Variants in UMAD1 observed in about 807,000 individuals in gnomAD.
UMAD1 encodes the protein UBAP1-MVB12-associated (UMA)-domain containing protein 1.
A neutral mutation model predicts 6.1 loss-of-function variants in UMAD1; 8 were observed. That is an observed-to-expected ratio of 1.30 (90% CI 0.76 to 2.35). UMAD1 has a LOEUF of 2.35. UMAD1 is among the 30% of genes most tolerant of loss of function. The pLI is 0.00. For missense variants in UMAD1, 130 were observed against 78.4 expected (o/e 1.66, Z -2.49); for synonymous variants, 56 against 31.4 (o/e 1.78, Z -2.61).
chr7:7,842,617 TA>T (rs60451147), intron 3 of UMAD1, among the ~76,000 whole-genome samples: 1,806 of 145,746 alleles, frequency 0.012, 35 homozygotes, highest in African/African-American at 0.039. Context: ...TACCTTTTTT[TA>T]AAAAAAAAAA....
chr7:7,724,695 A>G (rs1183815464), intron 2 of UMAD1, among the ~76,000 whole-genome samples: 1 of 152,212 alleles, frequency 6.6e-6, no homozygotes, highest in East Asian at 1.9e-4. Context: ...CCAAGTGGTG[A>G]CTGCAATTGC....
intron 3 of UMAD1, among the ~76,000 whole-genome samples, chr7:7,870,981 G>T (rs2115340768): frequency 6.6e-6 from 1 of 152,314 alleles, no homozygotes; most frequent in African/African-American, 2.4e-5. Flanking sequence ...TTATACAAAG[G>T]TGGAAAGAAT....
intron 1 of UMAD1, among the ~76,000 whole-genome samples, chr7:7,660,014 G>C (rs945123339): frequency 7.2e-5 from 11 of 152,280 alleles, no homozygotes; most frequent in African/African-American, 2.6e-4. Flanking sequence ...ATTTAGGATA[G>C]TTAGCTCTTC....
At chr7:7,821,110 C>A (rs908965795) in intron 3 of UMAD1, among the ~76,000 whole-genome samples, 1 of 152,122 alleles carries the variant, frequency 6.6e-6, no homozygotes, top group South Asian at 2.1e-4. Context: ...GAACAAGTAA[C>A]CTCACTAGTG....
intron 3 of UMAD1, among the ~76,000 whole-genome samples, chr7:7,846,140 T>C (rs1259525177): frequency 6.6e-6 from 1 of 152,194 alleles, no homozygotes; most frequent in East Asian, 1.9e-4. Flanking sequence ...TGTCTGTGTC[T>C]CACCTTCCTA....
intron 3 of UMAD1, among the ~76,000 whole-genome samples, chr7:7,818,714 A>C (rs777412913): frequency 1.3e-5 from 2 of 152,228 alleles, no homozygotes; most frequent in Non-Finnish European, 2.9e-5. Flanking sequence ...GTGCACACTT[A>C]TGTTCATTGT....
At chr7:7,852,623 G>GAGAT (rs1783939179) in intron 3 of UMAD1, among the ~76,000 whole-genome samples, 1 of 152,156 alleles carries the variant, frequency 6.6e-6, no homozygotes, top group Admixed American at 6.5e-5. Context: ...GCCAGATGAA[G>GAGAT]AGATACACGG....
intron 2 of UMAD1, among the ~76,000 whole-genome samples, chr7:7,796,313 A>G (rs188851995): frequency 5.1e-4 from 64 of 126,036 alleles, no homozygotes; most frequent in Middle Eastern, 7.4e-3. Flanking sequence ...GTGCAATGGC[A>G]TAATCTCGGC....
At chr7:7,656,794 T>C (rs1785354487) in intron 1 of UMAD1, among the ~76,000 whole-genome samples, 1 of 152,212 alleles carries the variant, frequency 6.6e-6, no homozygotes, top group African/African-American at 2.4e-5. Context: ...TGTGTCTTTA[T>C]GGTAGAATGA....
chr7:7,870,731 C>T (rs1408157852), intron 3 of UMAD1, among the ~76,000 whole-genome samples: 3 of 152,184 alleles, frequency 2.0e-5, no homozygotes, highest in Non-Finnish European at 2.9e-5. Flanking sequence ...TTCTCCCCTT[C>T]CAGCTCTCAG....
chr7:7,807,956 A>C (rs1782951338), intron 3 of UMAD1, among the ~76,000 whole-genome samples: 1 of 152,056 alleles, frequency 6.6e-6, no homozygotes, highest in South Asian at 2.1e-4. Context: ...TAACTTTAGG[A>C]GACACGTCAC....
intron 2 of UMAD1, among the ~76,000 whole-genome samples, chr7:7,787,599 G>A (rs1782484603): frequency 6.6e-6 from 1 of 152,054 alleles, no homozygotes; most frequent in African/African-American, 2.4e-5. Context: ...TTGTAACTAT[G>A]CAGAACCCAG....
At chr7:7,739,883 C>G (rs1201838079) in intron 2 of UMAD1, among the ~76,000 whole-genome samples, 1 of 152,172 alleles carries the variant, frequency 6.6e-6, no homozygotes, top group East Asian at 1.9e-4. Context: ...TTTGTCTATA[C>G]AAAGGAGAGC....
intron 2 of UMAD1, among the ~76,000 whole-genome samples, chr7:7,773,472 C>A (rs1782140758): frequency 6.6e-6 from 1 of 152,108 alleles, no homozygotes; most frequent in Admixed American, 6.5e-5. Context: ...ATGCAGCAGA[C>A]TTTGAAATAA....
At chr7:7,784,872 C>T (rs1314079516) in intron 2 of UMAD1, among the ~76,000 whole-genome samples, 3 of 150,122 alleles carry the variant, frequency 2.0e-5, no homozygotes, top group Admixed American at 6.6e-5. Flanking sequence ...ACGCCATTCT[C>T]CTGCCTCAGC....
At chr7:7,699,530 G>A (rs1780406135) in intron 2 of UMAD1, among the ~76,000 whole-genome samples, 1 of 152,198 alleles carries the variant, frequency 6.6e-6, no homozygotes, top group African/African-American at 2.4e-5. Context: ...TTTCACTTTA[G>A]AAACTGCTAG....
Position 7,705,849 on chromosome 7 carries a change from G to A in UMAD1, c.82+32396G>A, listed in dbSNP as rs569999296. ...TCAATTGTAATAAACATTCCTTTCT[G>A]GTGGGGAGGTTGTAAATGGGGGAGG... On this transcript the variant is annotated intron_variant, in intron 2 of 3. Coordinates refer to ENST00000682710, the MANE Select transcript of UMAD1 (RefSeq NM_001302348.2). 7.7e-4 allele frequency among the ~76,000 whole-genome samples: 117 copies of A among 152,250 alleles called. 1 individual carries two copies. Among genetic ancestry groups the A allele is most frequent in the African/African-American group, 2.8e-3 (115 of 41,550 alleles).
chr7:7,704,694 G>T (rs6946042), intron 2 of UMAD1, among the ~76,000 whole-genome samples: 4 of 149,676 alleles, frequency 2.7e-5, no homozygotes, highest in East Asian at 2.0e-4. Flanking sequence ...TTGAACCCAG[G>T]GGGTGGAGGT....
At chr7:7,798,298 A>G (rs1275181332) in intron 2 of UMAD1, among the ~76,000 whole-genome samples, 1 of 152,236 alleles carries the variant, frequency 6.6e-6, no homozygotes, top group Non-Finnish European at 1.5e-5. Context: ...GAGCTTCATT[A>G]GTATGTATAT....
Sources: gnomAD v4.1 joint callset for allele counts (sites outside exome capture counted in the v4.1 genomes callset) on GRCh38, gnomAD v4.1.1 for gene constraint, MANE v1.5 for transcripts, NCBI Gene and HGNC (gene_info 2026-07-23, HGNC 2026-07-21) for gene names.